The following ASTN2 variants were observed in gnomAD, a reference collection of about 807,000 sequenced individuals.
ASTN2 encodes astrotactin-2.
ASTN2 carries 54 observed loss-of-function variants against 139.8 expected under a neutral mutation model. The ratio of observed to expected loss-of-function variants is 0.39; its 90% confidence interval spans 0.31 to 0.48. ASTN2 has a LOEUF of 0.48. ASTN2 is among the 20% of genes least tolerant of loss of function. The probability of loss-of-function intolerance (pLI) is 0.95; values close to 1 mark genes in which losing one functional copy is unlikely to be tolerated. For synonymous variants in ASTN2, 756 were observed against 719.5 expected (o/e 1.05, Z -0.81); for missense variants, 1,565 against 1,725.1 (o/e 0.91, Z 1.64).
intron 11 of ASTN2, among the ~76,000 whole-genome samples, chr9:116,858,065 T>C (rs775563769): frequency 5.9e-5 from 9 of 152,154 alleles, no homozygotes; most frequent in Non-Finnish European, 1.0e-4. Flanking sequence ...AGGTCCAGCA[T>C]AGCCAGTGTC....
chr9:116,567,416 G>A (rs1853290377), intron 19 of ASTN2, among the ~76,000 whole-genome samples: 1 of 152,152 alleles, frequency 6.6e-6, no homozygotes, highest in East Asian at 1.9e-4. Context: ...GGCGGGGTGG[G>A]GCGCCAACAG....
At position 117,048,963 on chromosome 9, in the gene ASTN2, C is replaced by CTTTTTTTTTTTTTTTTTTTTTTTTTTTT. The variant is rs372277811; in HGVS notation, c.1277-8999_1277-8998insAAAAAAAAAAAAAAAAAAAAAAAAAAAA. Among the ~76,000 whole-genome samples, 13 of 89,034 alleles carry CTTTTTTTTTTTTTTTTTTTTTTTTTTTT rather than the reference C, an allele frequency of 1.5e-4. 2 individuals carry two copies. Among genetic ancestry groups the CTTTTTTTTTTTTTTTTTTTTTTTTTTTT allele is most frequent in the Non-Finnish European group, 1.8e-4 (8 of 44,264 alleles). 58.4% of individuals were successfully genotyped at this position (89,034 alleles called of 152,430 possible). ...GTGCGCTCTGATTCTTCATCCATTG[C>CTTTTTTTTTTTTTTTTTTTTTTTTTTTT]TTTTTTTTTTTTTTTTTGAGACGGA... On this transcript the variant is annotated intron_variant, in intron 5 of 22. Coordinates refer to ENST00000313400, the MANE Select transcript of ASTN2 (RefSeq NM_001365068.1).
chr9:117,314,595 T>C (rs967805669), intron 1 of ASTN2, among the ~76,000 whole-genome samples: 3 of 147,478 alleles, frequency 2.0e-5, no homozygotes, highest in African/African-American at 7.4e-5. Context: ...TCATATATTT[T>C]ATATTGTATT....
At chr9:116,942,469 G>A (rs1464592880) in intron 10 of ASTN2, among the ~76,000 whole-genome samples, 1 of 152,160 alleles carries the variant, frequency 6.6e-6, no homozygotes, top group Non-Finnish European at 1.5e-5. Context: ...GCTAGATTGA[G>A]ATAGCCCTCT....
intron 1 of ASTN2, among the ~76,000 whole-genome samples, chr9:117,365,097 C>T (rs962004575): frequency 6.6e-6 from 1 of 150,756 alleles, no homozygotes; most frequent in Non-Finnish European, 1.5e-5. Flanking sequence ...TGCAGTAAGC[C>T]AACATCACTT....
At chr9:116,758,797 C>G (rs905641042) in intron 13 of ASTN2, among the ~76,000 whole-genome samples, 3 of 152,162 alleles carry the variant, frequency 2.0e-5, no homozygotes, top group Non-Finnish European at 4.4e-5. Context: ...GCCATTGTCT[C>G]TCATACTCAT....
At chr9:116,943,041 G>A (rs1835284767) in intron 10 of ASTN2, among the ~76,000 whole-genome samples, 1 of 152,190 alleles carries the variant, frequency 6.6e-6, no homozygotes, top group African/African-American at 2.4e-5. Context: ...TTACGTGTTT[G>A]AGTTTCTTAA....
intron 4 of ASTN2, among the ~76,000 whole-genome samples, chr9:117,117,809 A>C (rs2132805420): frequency 6.6e-6 from 1 of 152,304 alleles, no homozygotes; most frequent in Admixed American, 6.5e-5. Flanking sequence ...CAGGAGAAAC[A>C]GTATGCTTTC....
chr9:116,577,270 T>A (rs1043321223), intron 19 of ASTN2, among the ~76,000 whole-genome samples: 6 of 152,198 alleles, frequency 3.9e-5, no homozygotes, highest in African/African-American at 1.2e-4. Context: ...GGCTCATGCC[T>A]GTAACCTCAG....
At chr9:116,577,300 G>A (rs960046760) in intron 19 of ASTN2, among the ~76,000 whole-genome samples, 3 of 152,184 alleles carry the variant, frequency 2.0e-5, no homozygotes, top group Non-Finnish European at 2.9e-5. Context: ...TAGTCAAGGT[G>A]ACTGAATTGC....
chr9:116,587,964 C>T (rs1313681439), intron 19 of ASTN2, among the ~76,000 whole-genome samples: 1 of 152,156 alleles, frequency 6.6e-6, no homozygotes, highest in African/African-American at 2.4e-5. Flanking sequence ...AGCCCCATTT[C>T]AATGTCTGCT....
chr9:116,697,644 GT>G, intron 16 of ASTN2: 1 of 1,451,098 alleles, frequency 6.9e-7, no homozygotes, highest in Non-Finnish European at 9.5e-7. Context: ...ATGAATAATG[GT>G]TTCTTTTTCT....
chr9:117,372,985 G>A lies in ASTN2; in HGVS notation c.442+41512C>T, dbSNP rs977683184. ...GTCTGGTAAGTCACTGAACTTCTCT[G>A]AGACTCAGTTTTCTCATTTCTACAT... On this transcript the variant is annotated intron_variant, in intron 1 of 22. Transcript: ENST00000313400. 1.1e-4 allele frequency among the ~76,000 whole-genome samples: 16 copies of A among 152,250 alleles called. No homozygotes were observed. The East Asian group carries it at 3.1e-3, about 29-fold the overall frequency.
chr9:117,346,708 G>C (rs1829229939), intron 1 of ASTN2, among the ~76,000 whole-genome samples: 1 of 152,124 alleles, frequency 6.6e-6, no homozygotes, highest in Admixed American at 6.6e-5. Context: ...TGCCAGTAGT[G>C]AGAGTGAACC....
chr9:117,358,985 G>A (rs766672015), intron 1 of ASTN2, among the ~76,000 whole-genome samples: 14 of 152,132 alleles, frequency 9.2e-5, no homozygotes, highest in Non-Finnish European at 2.1e-4. Context: ...GGGAGGTTAA[G>A]CAAGGTTTAA....
intron 19 of ASTN2, among the ~76,000 whole-genome samples, chr9:116,494,123 T>C (rs1849602163): frequency 1.3e-5 from 2 of 152,116 alleles, no homozygotes; most frequent in African/African-American, 4.8e-5. Flanking sequence ...GAAGAAGCAG[T>C]GTGTAGAGAT....
intron 19 of ASTN2, among the ~76,000 whole-genome samples, chr9:116,496,796 C>T (rs914663887): frequency 6.6e-6 from 1 of 152,190 alleles, no homozygotes; most frequent in African/African-American, 2.4e-5. Flanking sequence ...GCACGTCTTA[C>T]GTGGTGGCAG....
intron 11 of ASTN2, among the ~76,000 whole-genome samples, chr9:116,823,878 G>A (rs1170213506): frequency 6.6e-6 from 1 of 152,190 alleles, no homozygotes; most frequent in African/African-American, 2.4e-5. Context: ...CTTTGAGGAT[G>A]AGTAGGGGCA....
intron 1 of ASTN2, among the ~76,000 whole-genome samples, chr9:117,337,632 A>G (rs1001271898): frequency 6.6e-6 from 1 of 152,190 alleles, no homozygotes; most frequent in Non-Finnish European, 1.5e-5. Flanking sequence ...TATAACTTCA[A>G]TATGTTTGAA....
Sources: allele counts gnomAD v4.1 joint callset (sites outside exome capture counted in the v4.1 genomes callset), GRCh38; gene constraint gnomAD v4.1.1; transcripts MANE v1.5; gene names NCBI Gene and HGNC (gene_info 2026-07-23, HGNC 2026-07-21).